The following ROBO2 variants were observed in gnomAD, a reference collection of about 807,000 sequenced individuals.
ROBO2 encodes roundabout homolog 2.
A neutral mutation model predicts 160.8 loss-of-function variants in ROBO2; 53 were observed. The ratio of observed to expected loss-of-function variants is 0.33; its 90% CI spans 0.26 to 0.41. The LOEUF (loss-of-function observed/expected upper bound fraction) is 0.41. Ranked by LOEUF, ROBO2 falls within the 10% of genes least tolerant of loss-of-function variation. ROBO2 has a pLI of 1.00. For missense variants in ROBO2, 1,577 were observed against 1,722.4 expected (o/e 0.92, Z 1.49); for synonymous variants, 664 against 611.7 (o/e 1.09, Z -1.26).
intron 2 of ROBO2, among the ~76,000 whole-genome samples, chr3:76,247,209 T>C (rs1217785417): frequency 6.6e-6 from 1 of 152,130 alleles, no homozygotes; most frequent in Non-Finnish European, 1.5e-5. Flanking sequence ...TGTTACCATA[T>C]CCTGTTGGAT....
At chr3:77,584,096 A>C (rs994700615) in intron 16 of ROBO2, among the ~76,000 whole-genome samples, 4 of 152,112 alleles carry the variant, frequency 2.6e-5, no homozygotes, top group Admixed American at 1.3e-4. Context: ...TTTGGATGTA[A>C]GGGGAGAGTA....
At chr3:77,505,734 A>G (rs539784371) in intron 5 of ROBO2, among the ~76,000 whole-genome samples, 1 of 152,236 alleles carries the variant, frequency 6.6e-6, no homozygotes, top group South Asian at 2.1e-4. Context: ...AACTCATTTA[A>G]TCTTCTCAAT....
intron 6 of ROBO2, among the ~76,000 whole-genome samples, chr3:77,539,772 A>G (rs910462956): frequency 6.6e-6 from 1 of 152,186 alleles, no homozygotes; most frequent in Admixed American, 6.5e-5. Flanking sequence ...TCAGACATAT[A>G]GGCTGGGGAA....
chr3:77,557,896 C>A, intron 8 of ROBO2, 48 bp from the exon 10 acceptor site: 1 of 1,453,772 alleles, frequency 6.9e-7, no homozygotes, highest in Non-Finnish European at 9.6e-7. Context: ...ATCAAGCCTA[C>A]TGAACTACAT....
intron 2 of ROBO2, among the ~76,000 whole-genome samples, chr3:77,260,000 C>T (rs187277008): frequency 6.6e-6 from 1 of 152,282 alleles, no homozygotes; most frequent in Non-Finnish European, 1.5e-5. Context: ...GTGGGACACG[C>T]TGAGGGTCAG....
chr3:76,686,200 A>G (rs546841502), intron 2 of ROBO2, among the ~76,000 whole-genome samples: 1 of 152,218 alleles, frequency 6.6e-6, no homozygotes, highest in Admixed American at 6.6e-5. Flanking sequence ...CAGTCGGTGT[A>G]GAGAGGAAAA....
rs145847832 is a variant in ROBO2, at chr3:77,362,610, G to A, written c.389-114804G>A. Among the ~76,000 whole-genome samples the A allele has an allele frequency of 3.3e-5, 5 of 152,224 alleles. No individual in the cohort carries two copies. The East Asian group carries it at 9.7e-4, about 29-fold the overall frequency. On this transcript the variant is annotated intron_variant, in intron 2 of 25. Coordinates refer to ENST00000461745, the Ensembl canonical transcript of ROBO2. ...AGGAGGCTGACTGAATTTTGGTTAAGCAAAGGATAATTGTCAGAACTAAAA... is the reference window on the plus strand; with the variant it reads ...AGGAGGCTGACTGAATTTTGGTTAAACAAAGGATAATTGTCAGAACTAAAA...
chr3:76,065,993 G>GT (rs5850231), intron 2 of ROBO2, among the ~76,000 whole-genome samples: 95,374 of 149,986 alleles, frequency 0.64, 30,853 homozygotes, highest in Middle Eastern at 0.77. Flanking sequence ...ATTTAGGATT[G>GT]TTTTCTTTTG....
chr3:76,103,277 T>C (rs1164705827), intron 2 of ROBO2, among the ~76,000 whole-genome samples: 1 of 152,208 alleles, frequency 6.6e-6, no homozygotes, highest in Non-Finnish European at 1.5e-5. Context: ...TTTAAATAAC[T>C]GTGTGCTTTC....
In ROBO2 at chr3:76,216,506, A is replaced by G. The variant is rs527976765; in HGVS notation, c.109+278904A>G. On this transcript the variant is annotated intron_variant, in intron 2 of 26. Transcript: ENST00000487694. ...GAAAACAGAAAAAGACATGGGTTGC[A>G]ATCCTAGTCTCTGATAAAACAGACT... Among the ~76,000 whole-genome samples, 4 of 152,312 alleles carry G rather than the reference A, an allele frequency of 2.6e-5. No individual in the cohort carries two copies. The East Asian group carries it at 7.7e-4, about 29-fold the overall frequency.
At chr3:75,990,489 G>C (rs1224672086) in intron 2 of ROBO2, among the ~76,000 whole-genome samples, 2 of 152,144 alleles carry the variant, frequency 1.3e-5, no homozygotes, top group Admixed American at 1.3e-4. Context: ...GATAGATTGA[G>C]GTGGAGTGCA....
chr3:76,780,316 T>G (rs985187367), intron 2 of ROBO2, among the ~76,000 whole-genome samples: 2 of 150,802 alleles, frequency 1.3e-5, no homozygotes, highest in African/African-American at 2.4e-5. Flanking sequence ...CCCTTGAATA[T>G]TTCAGATGTT....
chr3:76,219,933 T>G (rs1703845925), intron 2 of ROBO2, among the ~76,000 whole-genome samples: 1 of 151,756 alleles, frequency 6.6e-6, no homozygotes, highest in Admixed American at 6.6e-5. Context: ...AACCCAAATG[T>G]CCAACAATGA....
intron 2 of ROBO2, among the ~76,000 whole-genome samples, chr3:76,969,953 T>C (rs1420731238): frequency 6.6e-6 from 1 of 152,090 alleles, no homozygotes. Flanking sequence ...GGCATAAGAG[T>C]ACCTTGCAAA....
At chr3:77,471,760 C>T (rs2083373800) in intron 2 of ROBO2, among the ~76,000 whole-genome samples, 2 of 152,166 alleles carry the variant, frequency 1.3e-5, no homozygotes, top group South Asian at 2.1e-4. Flanking sequence ...CTTAATTATT[C>T]TCCTCATAGA....
At chr3:77,131,026 A>G (rs191232093) in intron 2 of ROBO2, among the ~76,000 whole-genome samples, 116 of 152,192 alleles carry the variant, frequency 7.6e-4, no homozygotes, top group African/African-American at 2.6e-3. Context: ...CCTTTGAAAT[A>G]TATATATTAT....
At chr3:77,544,544 G>C (rs921902345) in intron 6 of ROBO2, among the ~76,000 whole-genome samples, 1 of 152,064 alleles carries the variant, frequency 6.6e-6, no homozygotes, top group Admixed American at 6.6e-5. Flanking sequence ...AAATCCCAGG[G>C]AATTGTCTGG....
At chr3:76,709,269 G>A (rs996471539) in intron 2 of ROBO2, among the ~76,000 whole-genome samples, 11 of 152,144 alleles carry the variant, frequency 7.2e-5, no homozygotes, top group African/African-American at 2.2e-4. Context: ...GAAGTTCTGC[G>A]GCTATTGGCA....
chr3:76,996,212 C>A (rs2060994854), intron 2 of ROBO2, among the ~76,000 whole-genome samples: 1 of 152,124 alleles, frequency 6.6e-6, no homozygotes, highest in Non-Finnish European at 1.5e-5. Flanking sequence ...ATAGGGAATC[C>A]TTTCCCCATT....
Sources: gnomAD v4.1 joint callset for allele counts (sites outside exome capture counted in the v4.1 genomes callset) on GRCh38, gnomAD v4.1.1 for gene constraint, MANE v1.5 for transcripts, NCBI Gene and HGNC (gene_info 2026-07-23, HGNC 2026-07-21) for gene names.